ST3GAL1: variants seen among roughly 807,000 people sequenced by gnomAD.
ST3GAL1 encodes CMP-N-acetylneuraminate-beta-galactosamide-alpha-2,3-sialyltransferase 1.
Under a neutral mutation model 34.1 loss-of-function variants are expected in ST3GAL1, and 16 were observed. The observed-to-expected ratio is 0.47, with a 90% confidence interval of 0.32 to 0.71. The LOEUF (loss-of-function observed/expected upper bound fraction) is 0.71, where lower values mean the gene tolerates loss of function less well. Among genes scored for constraint, ST3GAL1 ranks in the 30% least tolerant of loss-of-function variants. The pLI is 0.04. For missense variants in ST3GAL1, 353 were observed against 447.4 expected (o/e 0.79, Z 1.90); for synonymous variants, 191 against 184.7 (o/e 1.03, Z -0.28).
chr8:133,529,987 CTT>C (rs1169387746), intron 2 of ST3GAL1, among the ~76,000 whole-genome samples: 1 of 151,830 alleles, frequency 6.6e-6, no homozygotes, highest in Non-Finnish European at 1.5e-5. Flanking sequence ...TATTTGTTAA[CTT>C]TGTTATTTAT....
At chr8:133,470,308 A>T (rs971486270) in intron 5 of ST3GAL1, among the ~76,000 whole-genome samples, 3 of 152,062 alleles carry the variant, frequency 2.0e-5, no homozygotes, top group Admixed American at 2.0e-4. Context: ...AATCCCAGCT[A>T]CTCAGGAGGC....
At chr8:133,519,612 G>A (rs1351177780) in intron 2 of ST3GAL1, among the ~76,000 whole-genome samples, 1 of 152,144 alleles carries the variant, frequency 6.6e-6, no homozygotes, top group Non-Finnish European at 1.5e-5. Flanking sequence ...GAATTACCTG[G>A]GAAGTGTCCG....
chr8:133,561,640 T>C (rs1340549309), intron 1 of ST3GAL1, among the ~76,000 whole-genome samples: 2 of 152,074 alleles, frequency 1.3e-5, no homozygotes, highest in African/African-American at 4.8e-5. Context: ...AGACTTAGAT[T>C]TATGTTGTTT....
intron 2 of ST3GAL1, chr8:133,516,370 T>C (rs1387217870): frequency 6.6e-6 from 1 of 152,242 alleles, no homozygotes; most frequent in Non-Finnish European, 1.5e-5. Context: ...TTGTACAGCC[T>C]GCAGAATTGT....
chr8:133,498,272 G>T (rs1402219894), intron 3 of ST3GAL1, among the ~76,000 whole-genome samples: 1 of 152,246 alleles, frequency 6.6e-6, no homozygotes, highest in Non-Finnish European at 1.5e-5. Context: ...CATGTGGACT[G>T]CAGGGACAGT....
At position 133,497,631 on chromosome 8, in the gene ST3GAL1, C is replaced by G. The variant is rs1313403886; in HGVS notation, c.-374+1504G>C. On this transcript the variant is annotated intron_variant, in intron 3 of 9. Transcript: ENST00000522652. ...GGGATTACAGGAGCCCGCCACCATG[C>G]CTGGCTAATTTTTGTATTTTTAGTA... is the stretch of plus-strand genomic sequence containing the variant. Among the ~76,000 whole-genome samples, 4 of 152,040 alleles carry G rather than the reference C, an allele frequency of 2.6e-5. No homozygotes were observed. In the East Asian group the frequency reaches 7.7e-4, roughly 29 times the overall value.
chr8:133,549,167 G>A (rs919445925), intron 1 of ST3GAL1, among the ~76,000 whole-genome samples: 2 of 152,176 alleles, frequency 1.3e-5, no homozygotes, highest in Admixed American at 6.5e-5. Flanking sequence ...TTGGGAGGCC[G>A]AGGTGGGTGG....
chr8:133,552,202 G>C (rs1365387506), intron 1 of ST3GAL1, among the ~76,000 whole-genome samples: 2 of 152,170 alleles, frequency 1.3e-5, no homozygotes, highest in Non-Finnish European at 2.9e-5. Context: ...CTGTGTCCAG[G>C]GCAGGCTCAT....
chr8:133,512,316 C>A (rs545834081), intron 2 of ST3GAL1, among the ~76,000 whole-genome samples: 1 of 152,302 alleles, frequency 6.6e-6, no homozygotes, highest in South Asian at 2.1e-4. Flanking sequence ...CAGGAAGCAT[C>A]CAGCACAGGA....
At chr8:133,477,565 A>G (rs760207774) in intron 3 of ST3GAL1, among the ~76,000 whole-genome samples, 2 of 151,836 alleles carry the variant, frequency 1.3e-5, no homozygotes, top group Non-Finnish European at 2.9e-5. Context: ...GGGGGGCTCT[A>G]CCCTGGAGCA....
rs975960639 is a variant in ST3GAL1, at chr8:133,458,896, T to TC, written c.*867_*868insG. On this transcript the variant is annotated 3_prime_UTR_variant, in exon 10 of 10. Coordinates refer to ENST00000522652, the MANE Select transcript of ST3GAL1 (RefSeq NM_173344.3). ...GGTTTTTTTTCTTTTCTTTTTTTTTTTTTTTCAGAGACAGGGTCTCACTCT... is the reference window on the plus strand; with the variant it reads ...GGTTTTTTTTCTTTTCTTTTTTTTTTCTTTTTCAGAGACAGGGTCTCACTCT... The TC allele has an allele frequency of 6.6e-6, 1 of 151,188 alleles. No homozygotes were observed. The highest frequency in any genetic ancestry group is 2.4e-5 in the African/African-American group (1 of 40,984). The allele number at this position is 151,188 out of a possible 1,614,324, so 9.4% of individuals were successfully genotyped here. A position where few individuals can be genotyped will look rare whatever the true frequency, so the allele number is the denominator to read the frequency against.
rs1380659576 is a variant in ST3GAL1, at chr8:133,556,366, G to A, written c.-581-10440C>T. On this transcript the variant is annotated intron_variant, in intron 1 of 9. Coordinates refer to ENST00000522652, the MANE Select transcript of ST3GAL1 (RefSeq NM_173344.3). The surrounding 1 kb of genome is among the most constrained non-coding windows in gnomAD (Gnocchi z 8.9). The stretch of plus-strand genomic sequence containing the variant: ...AGCCTGTCTTCTCCCCCTGGCCTTG[G>A]CCTCCTGGACAGGAGACAACCCCTT... Among the ~76,000 whole-genome samples, 2 of 152,168 alleles carry A rather than the reference G, an allele frequency of 1.3e-5. No individual in the cohort carries two copies. The highest frequency in any genetic ancestry group is 2.4e-5 in the African/African-American group (1 of 41,424).
chr8:133,529,241 G>A (rs1474676466), intron 2 of ST3GAL1, among the ~76,000 whole-genome samples: 2 of 152,196 alleles, frequency 1.3e-5, no homozygotes, highest in Non-Finnish European at 1.5e-5. Flanking sequence ...CTAGGTCCTC[G>A]CCCTGTGGAA....
chr8:133,494,450 T>C (rs1163470434), intron 3 of ST3GAL1, among the ~76,000 whole-genome samples: 1 of 152,232 alleles, frequency 6.6e-6, no homozygotes, highest in Non-Finnish European at 1.5e-5. Flanking sequence ...AGGAATCTCA[T>C]GTCTTCTGCC....
intron 8 of ST3GAL1, 94 bp from the exon 9 acceptor site, chr8:133,462,088 G>A: frequency 1.4e-5 from 22 of 1,563,144 alleles, no homozygotes; most frequent in Non-Finnish European, 1.7e-5. Context: ...GGCCATGGAG[G>A]CACAGCCATG....
At chr8:133,549,274 C>T (rs533644093) in intron 1 of ST3GAL1, among the ~76,000 whole-genome samples, 80 of 152,060 alleles carry the variant, frequency 5.3e-4, no homozygotes, top group South Asian at 1.7e-3. Context: ...TGGTGGCACA[C>T]GCCTGTAATC....
At chr8:133,539,987 T>C (rs944414639) in intron 2 of ST3GAL1, among the ~76,000 whole-genome samples, 7 of 152,216 alleles carry the variant, frequency 4.6e-5, no homozygotes, top group Non-Finnish European at 7.3e-5. Flanking sequence ...CCTCCAGTGC[T>C]CAGCCAAGTG....
At chr8:133,520,309 G>GTA (rs2131025859) in intron 2 of ST3GAL1, among the ~76,000 whole-genome samples, 1 of 152,330 alleles carries the variant, frequency 6.6e-6, no homozygotes, top group Admixed American at 6.5e-5. Flanking sequence ...ACGCTGCTTG[G>GTA]TATATATTCC....
chr8:133,472,823 A>T (rs1211868454), intron 5 of ST3GAL1, among the ~76,000 whole-genome samples: 2 of 152,000 alleles, frequency 1.3e-5, no homozygotes, highest in Non-Finnish European at 2.9e-5. Context: ...GGAAACAACT[A>T]AGTGGAAATA....
Sources: gnomAD v4.1 joint callset for allele counts (sites outside exome capture counted in the v4.1 genomes callset) on GRCh38, gnomAD v4.1.1 for gene constraint, Gnocchi (gnomAD v3.1) non-coding constraint, MANE v1.5 for transcripts, NCBI Gene and HGNC (gene_info 2026-07-23, HGNC 2026-07-21) for gene names.